MRPS25: variants seen among roughly 807,000 people sequenced by gnomAD.
MRPS25 encodes small ribosomal subunit protein mS25.
In MRPS25, 15 loss-of-function variants were observed where a neutral mutation model predicts 17.3. The ratio of observed to expected loss-of-function variants is 0.87; its 90% CI spans 0.58 to 1.34. The LOEUF (loss-of-function observed/expected upper bound fraction) is 1.34, where lower values mean the gene tolerates loss of function less well. Ranked by LOEUF, MRPS25 falls within the 40% of genes most tolerant of loss-of-function variation. The pLI is 0.00. For missense variants in MRPS25, 225 were observed against 218.6 expected (o/e 1.03, Z -0.19); for synonymous variants, 94 against 83.3 (o/e 1.13, Z -0.70).
In MRPS25 at chr3:15,065,297, G is replaced by T; in HGVS notation, c.-103C>A. 7.1e-7 allele frequency: 1 copy of T among 1,417,576 alleles called. No individual in the cohort carries two copies. Among genetic ancestry groups the T allele is most frequent in the Non-Finnish European group, 9.2e-7 (1 of 1,084,198 alleles). The allele number at this position is 1,417,576 out of a possible 1,614,324, so 87.8% of individuals were successfully genotyped here. On this transcript the variant is annotated 5_prime_UTR_variant, in exon 1 of 4. Coordinates refer to ENST00000253686, the MANE Select transcript of MRPS25 (RefSeq NM_022497.5). ...GGATCTCACGCGGCTTCTCCCCAGA[G>T]CCAGGTTCCACTTCCCGCGCAGACG...
At chr3:15,054,637 A>G (rs1468972421) in intron 2 of MRPS25, among the ~76,000 whole-genome samples, 4 of 152,182 alleles carry the variant, frequency 2.6e-5, no homozygotes, top group Non-Finnish European at 4.4e-5. Context: ...AATTGTCATG[A>G]CCTTACCTAG....
downstream of MRPS25, chr3:15,046,415 A>C (rs762066986): frequency 6.6e-6 from 1 of 152,222 alleles, no homozygotes; most frequent in Non-Finnish European, 1.5e-5. Context: ...TAGCTGTCTT[A>C]CTTGTTTGGG....
chr3:15,045,143 G>C (rs2042405386), downstream of MRPS25: 1 of 152,196 alleles, frequency 6.6e-6, no homozygotes, highest in Non-Finnish European at 1.5e-5. Context: ...GCTTTTAGTA[G>C]CAGGCATCCT....
At chr3:15,057,032 C>A (rs555345575) in intron 2 of MRPS25, among the ~76,000 whole-genome samples, 1 of 152,202 alleles carries the variant, frequency 6.6e-6, no homozygotes, top group Non-Finnish European at 1.5e-5. Context: ...CCTACACACA[C>A]GTTTACTGTA....
chr3:15,050,525 G>C lies in MRPS25; in HGVS notation c.*1916C>G. On this transcript the variant is annotated 3_prime_UTR_variant, in exon 4 of 4. Coordinates refer to ENST00000253686, the MANE Select transcript of MRPS25 (RefSeq NM_022497.5). ...AGCCAAAAGGAACTAGGTGCTTTCT[G>C]AAGAGCCCTTGCAGCCAAGTAGAAC... 1 of 985,612 alleles carries C rather than the reference G, an allele frequency of 1.0e-6. No homozygotes were observed. Among genetic ancestry groups the C allele is most frequent in the Non-Finnish European group, 1.2e-6 (1 of 830,130 alleles). The allele number at this position is 985,612 out of a possible 1,614,324, so 61.1% of individuals were successfully genotyped here.
At chr3:15,054,618 A>T (rs773892641) in intron 2 of MRPS25, among the ~76,000 whole-genome samples, 6 of 152,192 alleles carry the variant, frequency 3.9e-5, no homozygotes, top group Non-Finnish European at 7.3e-5. Context: ...AGAGGAGAAC[A>T]CAGGAGAAAA....
Position 15,050,565 on chromosome 3 carries a change from T to A in MRPS25, c.*1876A>T. 17 of 985,442 alleles carry A rather than the reference T, an allele frequency of 1.7e-5. No homozygotes were observed. Among genetic ancestry groups the A allele is most frequent in the Non-Finnish European group, 1.9e-5 (16 of 830,008 alleles). 61.0% of individuals were successfully genotyped at this position (985,442 alleles called of 1,614,324 possible). A position where few individuals can be genotyped will look rare whatever the true frequency, so the allele number is the denominator to read the frequency against. On this transcript the variant is annotated 3_prime_UTR_variant, in exon 4 of 4. Transcript: ENST00000253686. ...CCAAGTAGAACGCCCAGGCAGGTGG[T>A]ATCAAGGTCAAGACTTCAGTCAGTT...
chr3:15,046,110 C>T (rs538427904), downstream of MRPS25: 1 of 152,354 alleles, frequency 6.6e-6, no homozygotes, highest in East Asian at 1.9e-4. Context: ...GTGTTACCTA[C>T]CATACTCTCC....
At chr3:15,060,042 A>G (rs576988382) in intron 1 of MRPS25, among the ~76,000 whole-genome samples, 2 of 152,200 alleles carry the variant, frequency 1.3e-5, no homozygotes, top group African/African-American at 2.4e-5. Flanking sequence ...TGTGTACAGC[A>G]TTTACAAAGT....
chr3:15,062,480 T>G (rs1339674349), intron 1 of MRPS25, among the ~76,000 whole-genome samples: 2 of 143,362 alleles, frequency 1.4e-5, no homozygotes, highest in African/African-American at 5.2e-5. Flanking sequence ...AGCCGCCCCG[T>G]CCAGGAGGTG....
At chr3:15,056,155 C>CA (rs1280925064) in intron 2 of MRPS25, among the ~76,000 whole-genome samples, 1 of 150,926 alleles carries the variant, frequency 6.6e-6, no homozygotes, top group African/African-American at 2.4e-5. Flanking sequence ...GTGGAGCTTG[C>CA]AGTGAGCCGA....
rs1443886686 is a variant in MRPS25 at position 15,052,617 on chromosome 3, C to T, written c.346G>A (p.Glu116Lys). Reference sequence around the variant, plus strand: ...GAAAGCTGCTTTTTCTCCTCCTCCTCTTCCCTGAGGGTTTCCCTGCCAAAG... The same window carrying T: ...GAAAGCTGCTTTTTCTCCTCCTCCTTTTCCCTGAGGGTTTCCCTGCCAAAG... ...LGKNEETLRE[E>K]EEEKKQLSHP... Residue 116 changes from glutamate (E) to lysine (K), a missense_variant, in exon 4 of 4, where the codon GAG becomes AAG. Glu to Lys is a moderately conservative substitution (Grantham distance 56, BLOSUM62 1). Transcript: ENST00000253686. The T allele has an allele frequency of 2.5e-6, 4 of 1,613,970 alleles. No individual in the cohort carries two copies. Among genetic ancestry groups the T allele is most frequent in the Non-Finnish European group, 3.4e-6 (4 of 1,180,014 alleles).
chr3:15,047,196 A>G (rs1250754043), downstream of MRPS25: 1 of 152,614 alleles, frequency 6.6e-6, no homozygotes, highest in Non-Finnish European at 1.5e-5. Flanking sequence ...GTAAACTGAT[A>G]TGGGTGTTCC....
chr3:15,062,924 A>C (rs1370851822), intron 1 of MRPS25, among the ~76,000 whole-genome samples: 1 of 152,060 alleles, frequency 6.6e-6, no homozygotes, highest in Non-Finnish European at 1.5e-5. Context: ...CAGGGACACA[A>C]ACACTCTGCC....
At chr3:15,047,713 A>G (rs1026976472), downstream of MRPS25, 3 of 152,148 alleles carry the variant, frequency 2.0e-5, no homozygotes, top group African/African-American at 7.2e-5. Context: ...AAAATAAACA[A>G]CCTACCAAGT....
chr3:15,062,968 T>C (rs1191152099), intron 1 of MRPS25, among the ~76,000 whole-genome samples: 2 of 151,792 alleles, frequency 1.3e-5, no homozygotes, highest in African/African-American at 4.8e-5. Flanking sequence ...CACTTGTTTA[T>C]CTGCTGACCT....
Position 15,050,532 on chromosome 3 carries a change from C to A in MRPS25, c.*1909G>T, listed in dbSNP as rs745427619. The A allele has an allele frequency of 1.0e-6, 1 of 985,482 alleles. No homozygotes were observed. Among genetic ancestry groups the A allele is most frequent in the South Asian group, 4.7e-5 (1 of 21,288 alleles). 61.0% of individuals were successfully genotyped at this position (985,482 alleles called of 1,614,324 possible). The stretch of plus-strand genomic sequence containing the variant: ...AGGAACTAGGTGCTTTCTGAAGAGC[C>A]CTTGCAGCCAAGTAGAACGCCCAGG... On this transcript the variant is annotated 3_prime_UTR_variant, in exon 4 of 4. Coordinates refer to ENST00000253686, the MANE Select transcript of MRPS25 (RefSeq NM_022497.5).
At chr3:15,044,969 T>A (rs944982754), downstream of MRPS25, 1 of 152,174 alleles carries the variant, frequency 6.6e-6, no homozygotes, top group Admixed American at 6.5e-5. Flanking sequence ...TTTTGGAGAG[T>A]AGTGGGAGTG....
chr3:15,054,938 TAGAGAAA>T (rs2042650914), intron 2 of MRPS25, among the ~76,000 whole-genome samples: 1 of 152,206 alleles, frequency 6.6e-6, no homozygotes, highest in African/African-American at 2.4e-5. Context: ...GAGTAATTTA[TAGAGAAA>T]AGAGGCTTAA....
Sources: allele counts gnomAD v4.1 joint callset (sites outside exome capture counted in the v4.1 genomes callset), GRCh38; gene constraint gnomAD v4.1.1; transcripts MANE v1.5; gene names NCBI Gene and HGNC (gene_info 2026-07-23, HGNC 2026-07-21).